Variants in NSMAF observed in about 807,000 individuals in gnomAD.
NSMAF encodes the protein neutral sphingomyelinase activation associated factor.
A neutral mutation model predicts 134.9 loss-of-function variants in NSMAF; 90 were observed. The ratio of observed to expected loss-of-function variants is 0.67; its 90% confidence interval spans 0.56 to 0.79. NSMAF has a LOEUF of 0.79. Among genes scored for constraint, NSMAF ranks in the 30% least tolerant of loss-of-function variants. The pLI is 0.00. For missense variants in NSMAF, 1,010 were observed against 1,119.0 expected (o/e 0.90, Z 1.39); for synonymous variants, 358 against 389.6 (o/e 0.92, Z 0.96).
chr8:58,594,552 A>G, intron 22 of NSMAF: 1 of 427,520 alleles, frequency 2.3e-6, no homozygotes, highest in Non-Finnish European at 4.2e-6. Flanking sequence ...TATTCCTGAC[A>G]ATTTCTGGCA....
At chr8:58,593,617 C>G (rs972688737) in intron 23 of NSMAF, among the ~76,000 whole-genome samples, 3 of 152,150 alleles carry the variant, frequency 2.0e-5, no homozygotes, top group Non-Finnish European at 4.4e-5. Flanking sequence ...AAGGCCAAGA[C>G]ATACTTTAAT....
intron 26 of NSMAF, among the ~76,000 whole-genome samples, chr8:58,589,199 ATAT>A (rs1247545446): frequency 3.5e-4 from 51 of 147,758 alleles, no homozygotes; most frequent in Non-Finnish European, 6.6e-4. Context: ...TATATAACAG[ATAT>A]TATATTTTAA....
intron 9 of NSMAF, among the ~76,000 whole-genome samples, chr8:58,613,260 T>A (rs1806571449): frequency 6.6e-6 from 1 of 152,232 alleles, no homozygotes; most frequent in Middle Eastern, 3.4e-3. Flanking sequence ...AAAGCACAAA[T>A]AAGAATACTG....
In NSMAF at chr8:58,635,335, C is replaced by G. The variant is rs554901709; in HGVS notation, c.266G>C (p.Gly89Ala). ...GAAGTGTCTATTGGCTCCATTTTCT[C>G]CATGCTTTCCTATTTTTATACAGTC... ...LRDCIKIGKH[G>A]ENGANRHFTK... The change falls in exon 4 of 31, where the codon GGA becomes GCA. Residue 89 changes from glycine to alanine, a missense_variant. By Grantham distance (60) the Gly-to-Ala change is moderately conservative. Transcript: ENST00000038176. 6.2e-7 allele frequency: 1 copy of G among 1,608,924 alleles called. No individual in the cohort carries two copies.
At chr8:58,608,626 A>AT (rs1272642478) in intron 10 of NSMAF, among the ~76,000 whole-genome samples, 2 of 152,140 alleles carry the variant, frequency 1.3e-5, no homozygotes, top group Non-Finnish European at 2.9e-5. Context: ...GTACACAGAC[A>AT]TTTTTTCTCA....
intron 1 of NSMAF, among the ~76,000 whole-genome samples, chr8:58,645,174 T>C (rs1807417965): frequency 6.6e-6 from 1 of 150,464 alleles, no homozygotes. Flanking sequence ...TTGTAAAGCA[T>C]GAGGGTGGTT....
At chr8:58,653,850 T>A (rs144846583) in intron 1 of NSMAF, among the ~76,000 whole-genome samples, 1 of 152,296 alleles carries the variant, frequency 6.6e-6, no homozygotes, top group East Asian at 1.9e-4. Context: ...GCTTACATAC[T>A]CAAAATCCAT....
At chr8:58,650,095 C>A (rs997337990) in intron 1 of NSMAF, among the ~76,000 whole-genome samples, 1 of 152,280 alleles carries the variant, frequency 6.6e-6, no homozygotes, top group East Asian at 1.9e-4. Context: ...CACTTGGGTA[C>A]CATTTGCATC....
chr8:58,618,802 C>CA (rs1396720301), intron 9 of NSMAF, among the ~76,000 whole-genome samples: 1 of 152,042 alleles, frequency 6.6e-6, no homozygotes, highest in Non-Finnish European at 1.5e-5. Context: ...ATTCCTTTAA[C>CA]AAAAAATTAT....
rs541848574 is a variant in NSMAF at position 58,623,304 on chromosome 8, A to AT, written c.505-33dup. On this transcript the variant is annotated intron_variant, in intron 8 of 30. Coordinates refer to ENST00000038176, the MANE Select transcript of NSMAF (RefSeq NM_003580.4). ...AAACAGAACCAGAAAAAAAGTATTT[A>AT]TAAGTATTTATAAGTAAAATATCAA... 159 of 1,596,796 alleles carry AT rather than the reference A, an allele frequency of 1.0e-4. 1 individual carries two copies. In the South Asian group the frequency reaches 1.6e-3, roughly 17 times the overall value.
At chr8:58,641,418 T>C (rs1385969779) in intron 2 of NSMAF, among the ~76,000 whole-genome samples, 1 of 152,222 alleles carries the variant, frequency 6.6e-6, no homozygotes, top group Non-Finnish European at 1.5e-5. Flanking sequence ...CCCTCTTCTG[T>C]GTAGATAACT....
intron 9 of NSMAF, among the ~76,000 whole-genome samples, chr8:58,612,896 G>A (rs1289175581): frequency 6.6e-6 from 1 of 152,082 alleles, no homozygotes; most frequent in Non-Finnish European, 1.5e-5. Flanking sequence ...TTCAAATCAT[G>A]GGGCTCTTCA....
At chr8:58,603,157 A>G (rs1272189354) in intron 13 of NSMAF, 53 bp downstream of exon 13, 1 of 1,510,858 alleles carries the variant, frequency 6.6e-7, no homozygotes, top group East Asian at 2.3e-5. Context: ...TAAAAACAAT[A>G]CAGATGACTA....
intron 22 of NSMAF, 84 bp from the exon 23 acceptor site, chr8:58,594,374 C>A: frequency 7.8e-7 from 1 of 1,289,414 alleles, no homozygotes; most frequent in Non-Finnish European, 1.1e-6. Context: ...TTTAATTTTA[C>A]CAAGTTTCCT....
intron 21 of NSMAF, among the ~76,000 whole-genome samples, chr8:58,596,428 T>C (rs74566438): frequency 0.02 from 3,050 of 152,216 alleles, 53 homozygotes; most frequent in East Asian, 0.079. Context: ...GCCTGTAGGT[T>C]TGAAGTTGTC....
chr8:58,656,562 C>T (rs1807716265), intron 1 of NSMAF, among the ~76,000 whole-genome samples: 1 of 152,064 alleles, frequency 6.6e-6, no homozygotes, highest in Non-Finnish European at 1.5e-5. Context: ...CACGGTGGCT[C>T]ACGCCTGTAA....
At position 58,637,040 on chromosome 8, in the gene NSMAF, A is replaced by C. The variant is rs149678977; in HGVS notation, c.150-1494T>G. Among the ~76,000 whole-genome samples the C allele has an allele frequency of 3.2e-3, 473 of 146,452 alleles. 1 individual carries two copies. Among genetic ancestry groups the C allele is most frequent in the African/African-American group, 3.9e-3 (145 of 36,924 alleles). On this transcript the variant is annotated intron_variant, in intron 2 of 30. Transcript: ENST00000038176. ...TATACACACACACACACACACACAC[A>C]CCCACACACAAACACACATATTTAT...
chr8:58,628,249 A>G (rs1806980930), intron 6 of NSMAF, among the ~76,000 whole-genome samples: 1 of 152,196 alleles, frequency 6.6e-6, no homozygotes, highest in Admixed American at 6.5e-5. Context: ...GATGGATCAA[A>G]GACTTAAACC....
chr8:58,614,628 A>C (rs573082567), intron 9 of NSMAF, among the ~76,000 whole-genome samples: 11 of 152,222 alleles, frequency 7.2e-5, no homozygotes, highest in Non-Finnish European at 1.5e-4. Flanking sequence ...GCTTGCTTCA[A>C]GCTGGCCCAC....
Sources: gnomAD v4.1 joint callset for allele counts (sites outside exome capture counted in the v4.1 genomes callset) on GRCh38, gnomAD v4.1.1 for gene constraint, MANE v1.5 for transcripts, NCBI Gene and HGNC (gene_info 2026-07-23, HGNC 2026-07-21) for gene names.